Variants in PXK observed in about 807,000 individuals in gnomAD.
PXK encodes PX domain-containing protein kinase-like protein.
In PXK, 35 loss-of-function variants were observed where a neutral mutation model predicts 84.7. The observed-to-expected ratio is 0.41, with a 90% CI of 0.32 to 0.55. The LOEUF (loss-of-function observed/expected upper bound fraction) is 0.55, where lower values mean the gene tolerates loss of function less well. Ranked by LOEUF, PXK falls within the 20% of genes least tolerant of loss-of-function variation. The pLI is 0.21. For synonymous variants in PXK, 253 were observed against 260.8 expected (o/e 0.97, Z 0.29); for missense variants, 634 against 699.7 (o/e 0.91, Z 1.06).
intron 1 of PXK, among the ~76,000 whole-genome samples, chr3:58,358,857 G>A (rs891406170): frequency 6.6e-6 from 1 of 152,200 alleles, no homozygotes; most frequent in African/African-American, 2.4e-5. Context: ...ACATCAGGAC[G>A]CAGGCATTGT....
chr3:58,422,104 C>T (rs1287250442), intron 17 of PXK: 2 of 985,322 alleles, frequency 2.0e-6, no homozygotes, highest in East Asian at 2.3e-4. Context: ...CATTGTTAGC[C>T]ATGTGTTGTA....
intron 13 of PXK, among the ~76,000 whole-genome samples, chr3:58,406,038 C>T (rs772669078): frequency 6.0e-4 from 91 of 151,774 alleles, no homozygotes; most frequent in Middle Eastern, 6.8e-3. Context: ...GGCATGATCT[C>T]GGCTCACTGC....
In PXK at chr3:58,370,072, TGTGGAATGATTGC is replaced by T. The variant is rs377556618; in HGVS notation, c.201+600_201+612del. On this transcript the variant is annotated intron_variant, in intron 3 of 17. Coordinates refer to ENST00000356151, the MANE Select transcript of PXK (RefSeq NM_017771.5). The surrounding 1 kb of genome is among the most constrained non-coding windows in gnomAD (Gnocchi z 4.2). ...TGACGTAATATCTCCTTTTAACAGA[TGTGGAATGATTGC>T]GTGGATTGCTAGTGTTGTTCACTTA... Among the ~76,000 whole-genome samples the T allele has an allele frequency of 0.012, 1,875 of 152,276 alleles. 46 individuals are homozygous for T. The highest frequency in any genetic ancestry group is 0.043 in the African/African-American group (1,791 of 41,544).
At chr3:58,341,288 A>C (rs558383936) in intron 1 of PXK, among the ~76,000 whole-genome samples, 6 of 152,266 alleles carry the variant, frequency 3.9e-5, no homozygotes, top group Admixed American at 2.0e-4. Flanking sequence ...TGAGCCAGGC[A>C]TGGTGGCTCA....
intron 1 of PXK, among the ~76,000 whole-genome samples, chr3:58,358,290 CT>C (rs2098125231): frequency 1.3e-5 from 2 of 152,214 alleles, no homozygotes; most frequent in Admixed American, 1.3e-4. Context: ...TCATCTCTTT[CT>C]TGGTCTACTC....
Position 58,348,754 on chromosome 3 carries a change from T to TAA in PXK, c.102+15677_102+15678dup, listed in dbSNP as rs765768894. 4.4e-3 allele frequency among the ~76,000 whole-genome samples: 610 copies of TAA among 138,422 alleles called. 7 individuals are homozygous for TAA. Among genetic ancestry groups the TAA allele is most frequent in the African/African-American group, 0.015 (558 of 37,842 alleles). The allele number at this position is 138,422 out of a possible 152,430, so 90.8% of individuals were successfully genotyped here. A position where few individuals can be genotyped will look rare whatever the true frequency, so the allele number is the denominator to read the frequency against. ...AGCAAGATCTAGTCTCTACAAAACT[T>TAA]AAAAAAAAAAAAAAGTCAGGTGTGG... is the stretch of plus-strand genomic sequence containing the variant. On this transcript the variant is annotated intron_variant, in intron 1 of 17. Transcript: ENST00000356151.
intron 13 of PXK, among the ~76,000 whole-genome samples, chr3:58,406,305 G>A (rs1361849257): frequency 1.4e-5 from 2 of 145,812 alleles, no homozygotes; most frequent in South Asian, 2.2e-4. Flanking sequence ...TGAAGTAGGC[G>A]ATTTTTTGTT....
chr3:58,378,598 G>A (rs1478222238), intron 3 of PXK, among the ~76,000 whole-genome samples: 6 of 141,600 alleles, frequency 4.2e-5, no homozygotes, highest in Non-Finnish European at 9.0e-5. Flanking sequence ...GCAGTGGTGG[G>A]ATCTCAGCTC....
chr3:58,390,214 A>G lies in PXK; in HGVS notation c.389-368A>G, dbSNP rs900352882. On this transcript the variant is annotated intron_variant, in intron 4 of 17. Transcript: ENST00000356151. This position sits in a 1 kb window ranked among gnomAD's most constrained non-coding sequence, Gnocchi z 4.2. The stretch of plus-strand genomic sequence containing the variant: ...AACAAAACTAAACAAAAGAAGTTGC[A>G]ATGATAGTACAGAAAATTGCCATAT... Among the ~76,000 whole-genome samples, 3 of 151,998 alleles carry G rather than the reference A, an allele frequency of 2.0e-5. No homozygotes were observed. Among genetic ancestry groups the G allele is most frequent in the Non-Finnish European group, 4.4e-5 (3 of 68,008 alleles).
chr3:58,336,071 A>ATTTT lies in PXK; in HGVS notation c.102+2996_102+2999dup, dbSNP rs1171021563. Among the ~76,000 whole-genome samples the ATTTT allele has an allele frequency of 1.3e-3, 65 of 51,538 alleles. 1 individual carries two copies. Among genetic ancestry groups the ATTTT allele is most frequent in the Non-Finnish European group, 1.6e-3 (49 of 30,592 alleles). 33.8% of individuals were successfully genotyped at this position (51,538 alleles called of 152,430 possible). On this transcript the variant is annotated intron_variant, in intron 1 of 17. Coordinates refer to ENST00000356151, the MANE Select transcript of PXK (RefSeq NM_017771.5). ...TATATATATATATATATATATATAT[A>ATTTT]TTTTTTTTTTTTTTTTTTAATACCA...
At chr3:58,406,814 T>A (rs896254142) in intron 13 of PXK, among the ~76,000 whole-genome samples, 1 of 152,244 alleles carries the variant, frequency 6.6e-6, no homozygotes, top group Non-Finnish European at 1.5e-5. Context: ...TATAAGTATT[T>A]GTCCTTTTGT....
intron 1 of PXK, among the ~76,000 whole-genome samples, chr3:58,348,931 T>C (rs941541110): frequency 2.0e-5 from 3 of 150,250 alleles, no homozygotes; most frequent in Non-Finnish European, 3.0e-5. Context: ...TTAATTAATA[T>C]GTTTTGCATT....
Position 58,421,890 on chromosome 3 carries a change from T to C in PXK, c.1529-2862T>C, listed in dbSNP as rs1422994604. 3 of 985,248 alleles carry C rather than the reference T, an allele frequency of 3.0e-6. No homozygotes were observed. The African/African-American group carries it at 5.2e-5, about 17-fold the overall frequency. 61.0% of individuals were successfully genotyped at this position (985,248 alleles called of 1,614,324 possible). A position where few individuals can be genotyped will look rare whatever the true frequency, so the allele number is the denominator to read the frequency against. On this transcript the variant is annotated intron_variant, in intron 17 of 17. Coordinates refer to ENST00000356151, the MANE Select transcript of PXK (RefSeq NM_017771.5). The surrounding 1 kb of genome is among the most constrained non-coding windows in gnomAD (Gnocchi z 5.5). ...CAGCATCCCCCTTCCTGGGTGCAAA[T>C]TCAGGTATCATAAGTCTAACATGGA... is the stretch of plus-strand genomic sequence containing the variant.
intron 9 of PXK, 40 bp downstream of exon 9, chr3:58,395,799 C>A: frequency 6.6e-7 from 1 of 1,505,868 alleles, no homozygotes; most frequent in East Asian, 2.3e-5. Flanking sequence ...CAGATTTCAT[C>A]CAAAATTGCA....
chr3:58,333,098 G>A lies in PXK; in HGVS notation c.102+8G>A, dbSNP rs1265431818. The A allele has an allele frequency of 8.5e-6, 10 of 1,171,090 alleles. No individual in the cohort carries two copies. In the East Asian group the frequency reaches 4.0e-4, roughly 47 times the overall value. 72.5% of individuals were successfully genotyped at this position (1,171,090 alleles called of 1,614,324 possible). A position where few individuals can be genotyped will look rare whatever the true frequency, so the allele number is the denominator to read the frequency against. On this transcript the variant is annotated splice_region_variant and intron_variant, in intron 1 of 17. Transcript: ENST00000356151. This position sits in a 1 kb window ranked among gnomAD's most constrained non-coding sequence, Gnocchi z 5.4. ...AGCCTGCAGTCCCACACGGTGCGCG[G>A]CCCAGCGGGCGGGCGGGCGGCGTGG...
chr3:58,387,725 G>T (rs376736874), intron 4 of PXK, among the ~76,000 whole-genome samples: 1 of 152,168 alleles, frequency 6.6e-6, no homozygotes, highest in Non-Finnish European at 1.5e-5. Context: ...GAAGAGAGTA[G>T]CCCTAATAGA....
intron 17 of PXK, among the ~76,000 whole-genome samples, chr3:58,424,324 G>A (rs1428884340): frequency 1.3e-5 from 2 of 152,120 alleles, no homozygotes; most frequent in Non-Finnish European, 2.9e-5. Context: ...CTGACATTCA[G>A]GAAGCCCAAC....
chr3:58,344,506 A>G (rs2097784281), intron 1 of PXK, among the ~76,000 whole-genome samples: 1 of 152,114 alleles, frequency 6.6e-6, no homozygotes, highest in Non-Finnish European at 1.5e-5. Flanking sequence ...AGAGCTGGCT[A>G]TTGGTGTTCA....
intron 1 of PXK, among the ~76,000 whole-genome samples, chr3:58,357,573 A>T (rs2098112757): frequency 6.6e-6 from 1 of 152,258 alleles, no homozygotes; most frequent in Non-Finnish European, 1.5e-5. Context: ...CAAACACATG[A>T]GTAATCCATT....
Sources: gnomAD v4.1 joint callset for allele counts (sites outside exome capture counted in the v4.1 genomes callset) on GRCh38, gnomAD v4.1.1 for gene constraint, Gnocchi (gnomAD v3.1) non-coding constraint, MANE v1.5 for transcripts, NCBI Gene and HGNC (gene_info 2026-07-23, HGNC 2026-07-21) for gene names.